Variants in AGO2 observed in about 807,000 individuals in gnomAD.
The protein encoded by AGO2 is protein argonaute-2.
A neutral mutation model predicts 102.3 loss-of-function variants in AGO2; 5 were observed. The observed-to-expected ratio is 0.05, with a 90% CI of 0.03 to 0.10. The LOEUF (loss-of-function observed/expected upper bound fraction) is 0.10. AGO2 is among the 10% of genes least tolerant of loss of function. AGO2 has a pLI of 1.00. For synonymous variants in AGO2, 449 were observed against 473.1 expected (o/e 0.95, Z 0.66); for missense variants, 541 against 1,183.7 (o/e 0.46, Z 7.97).
chr8:140,567,081 C>T lies in AGO2; in HGVS notation c.337-4447G>A, dbSNP rs1323153897. The stretch of plus-strand genomic sequence containing the variant: ...GCCTGTCAATGCCACCTTTCAAAAA[C>T]CTCTGTAGTCAACACCGAGGGGCAA... On this transcript the variant is annotated intron_variant, in intron 3 of 18. Transcript: ENST00000220592. This position sits in a 1 kb window ranked among gnomAD's most constrained non-coding sequence, Gnocchi z 5.0. Among the ~76,000 whole-genome samples, 2 of 152,260 alleles carry T rather than the reference C, an allele frequency of 1.3e-5. No individual in the cohort carries two copies. Among genetic ancestry groups the T allele is most frequent in the East Asian group, 3.8e-4 (2 of 5,196 alleles).
chr8:140,597,466 G>GCCCCCCCCCCCCCCCCCCCCCC (rs201167667), intron 1 of AGO2, among the ~76,000 whole-genome samples: 2 of 48,422 alleles, frequency 4.1e-5, no homozygotes, highest in Admixed American at 2.1e-4. Flanking sequence ...GGGCTGGGTG[G>GCCCCCCCCCCCCCCCCCCCCCC]CCCCCCCACC....
intron 3 of AGO2, among the ~76,000 whole-genome samples, chr8:140,571,814 C>G (rs527312647): frequency 6.6e-6 from 1 of 152,320 alleles, no homozygotes; most frequent in Admixed American, 6.5e-5. Flanking sequence ...GGCACGATAT[C>G]AGCTCACCAT....
intron 3 of AGO2, among the ~76,000 whole-genome samples, chr8:140,570,672 T>A (rs917713975): frequency 1.3e-5 from 2 of 152,094 alleles, no homozygotes; most frequent in Admixed American, 6.6e-5. Flanking sequence ...CTCACTGAAG[T>A]CTCACAAAGC....
At chr8:140,535,600 G>A (rs371510272) in intron 16 of AGO2, 31 bp from the exon 17 acceptor site, 10 of 1,608,900 alleles carry the variant, frequency 6.2e-6, no homozygotes, top group Admixed American at 1.7e-5. Context: ...CGTTAGACAC[G>A]GCCAGGGACC....
chr8:140,605,874 C>T (rs1382914993), intron 1 of AGO2: 1 of 152,310 alleles, frequency 6.6e-6, no homozygotes, highest in East Asian at 1.9e-4. Context: ...GAAAATTGCC[C>T]GGTGGGATGA....
At chr8:140,577,905 C>T (rs142826859) in intron 2 of AGO2, among the ~76,000 whole-genome samples, 1 of 152,374 alleles carries the variant, frequency 6.6e-6, no homozygotes, top group African/African-American at 2.4e-5. Context: ...TCAGGTCCAG[C>T]TCATCCTGCA....
chr8:140,633,722 G>A (rs2074369072), intron 1 of AGO2, among the ~76,000 whole-genome samples: 1 of 152,184 alleles, frequency 6.6e-6, no homozygotes, highest in Admixed American at 6.5e-5. Context: ...CTGCCCTGAG[G>A]AAGGCACCCA....
chr8:140,596,675 C>A (rs748438722), intron 1 of AGO2, among the ~76,000 whole-genome samples: 6 of 152,220 alleles, frequency 3.9e-5, no homozygotes, highest in East Asian at 1.9e-4. Context: ...TTAAAAAGTA[C>A]CCAATGCAAG....
chr8:140,602,113 G>A (rs1260589052), intron 1 of AGO2, among the ~76,000 whole-genome samples: 1 of 152,202 alleles, frequency 6.6e-6, no homozygotes, highest in East Asian at 1.9e-4. Flanking sequence ...CCATCGCAAT[G>A]AGCACATCCC....
intron 1 of AGO2, among the ~76,000 whole-genome samples, chr8:140,595,126 A>T (rs533754505): frequency 6.6e-6 from 1 of 152,212 alleles, no homozygotes; most frequent in Non-Finnish European, 1.5e-5. Flanking sequence ...CTAAGGAAAT[A>T]CCCAGGCGTC....
At chr8:140,578,812 C>G (rs975386157) in intron 2 of AGO2, among the ~76,000 whole-genome samples, 1 of 152,262 alleles carries the variant, frequency 6.6e-6, no homozygotes, top group African/African-American at 2.4e-5. Flanking sequence ...CAAGCAGCAC[C>G]CCGCACGGGG....
chr8:140,533,460 T>C (rs1233129346), intron 17 of AGO2, among the ~76,000 whole-genome samples: 1 of 151,182 alleles, frequency 6.6e-6, no homozygotes, highest in Non-Finnish European at 1.5e-5. Context: ...CATTTGTGTA[T>C]CTTACATTTT....
chr8:140,558,248 GGAGA>G (rs540005628), intron 7 of AGO2, among the ~76,000 whole-genome samples: 100 of 152,312 alleles, frequency 6.6e-4, no homozygotes, highest in African/African-American at 2.4e-3. Flanking sequence ...GAAGGAAGAG[GGAGA>G]GAGAGCCTGG....
chr8:140,635,510 G>A lies in AGO2; in HGVS notation c.-4C>T. 2 of 980,406 alleles carry A rather than the reference G, an allele frequency of 2.0e-6. No individual in the cohort carries two copies. The highest frequency in any genetic ancestry group is 2.4e-6 in the Non-Finnish European group (2 of 827,918). 60.7% of individuals were successfully genotyped at this position (980,406 alleles called of 1,614,324 possible). A position where few individuals can be genotyped will look rare whatever the true frequency, so the allele number is the denominator to read the frequency against. On this transcript the variant is annotated 5_prime_UTR_variant, in exon 1 of 19. Transcript: ENST00000220592. ...CGGGGCCGGCTCCCGAGTACATGGTGGCGCCGCCGAGGGGCTCCGGGGCCG... is the reference window on the plus strand; with the variant it reads ...CGGGGCCGGCTCCCGAGTACATGGTAGCGCCGCCGAGGGGCTCCGGGGCCG...
intron 6 of AGO2, 30 bp from the exon 7 acceptor site, chr8:140,558,602 C>T (rs569565341): frequency 5.0e-6 from 8 of 1,609,466 alleles, no homozygotes; most frequent in Admixed American, 1.7e-5. Context: ...GCATCGGCAT[C>T]GGGGCTGTCC....
At chr8:140,618,106 A>T (rs1011928272) in intron 1 of AGO2, among the ~76,000 whole-genome samples, 13 of 151,998 alleles carry the variant, frequency 8.6e-5, no homozygotes, top group African/African-American at 3.1e-4. Context: ...GTTCGAGACC[A>T]GCCTGGCCAA....
Position 140,531,751 on chromosome 8 carries a change from T to C in AGO2, c.*293A>G, listed in dbSNP as rs534982325. ...AAAATGTTTTAAAGCCCTGAGTTCA[T>C]AGACTGGTTTTAGGAGATTTTTAGG... On this transcript the variant is annotated 3_prime_UTR_variant, in exon 19 of 19. Transcript: ENST00000220592. 2.2e-5 allele frequency: 6 copies of C among 273,922 alleles called. No individual in the cohort carries two copies. Among genetic ancestry groups the C allele is most frequent in the Admixed American group, 1.4e-4 (3 of 21,418 alleles). 17.0% of individuals were successfully genotyped at this position (273,922 alleles called of 1,614,324 possible).
intron 1 of AGO2, among the ~76,000 whole-genome samples, chr8:140,631,450 C>T (rs1046177897): frequency 1.3e-5 from 2 of 151,474 alleles, no homozygotes; most frequent in African/African-American, 4.9e-5. Context: ...AGGAGAATCG[C>T]TTGAACCCGG....
At chr8:140,568,268 A>G (rs2073322504) in intron 3 of AGO2, among the ~76,000 whole-genome samples, 1 of 138,622 alleles carries the variant, frequency 7.2e-6, no homozygotes, top group African/African-American at 2.9e-5. Flanking sequence ...TGGGTGACAG[A>G]GCGAGACCAT....
Sources: gnomAD v4.1 joint callset for allele counts (sites outside exome capture counted in the v4.1 genomes callset) on GRCh38, gnomAD v4.1.1 for gene constraint, Gnocchi (gnomAD v3.1) non-coding constraint, MANE v1.5 for transcripts, NCBI Gene and HGNC (gene_info 2026-07-23, HGNC 2026-07-21) for gene names.